The following TMX3 variants were observed in gnomAD, a reference collection of about 807,000 sequenced individuals.
TMX3 encodes thioredoxin related transmembrane protein 3.
TMX3 carries 40 observed loss-of-function variants against 64.4 expected under a neutral mutation model. That is an observed-to-expected ratio of 0.62 (90% confidence interval 0.48 to 0.81). The LOEUF (loss-of-function observed/expected upper bound fraction) is 0.81, where lower values mean the gene tolerates loss of function less well. TMX3 is among the 30% of genes least tolerant of loss of function. The pLI is 0.00. For missense variants in TMX3, 497 were observed against 534.5 expected, an observed-to-expected ratio of 0.93 and a Z score of 0.69; for synonymous variants, 189 against 175.7, an observed-to-expected ratio of 1.08 and a Z score of -0.60.
chr18:68,677,228 C>A (rs961168920), intron 15 of TMX3, 35 bp from the exon 16 acceptor site: 1 of 1,589,802 alleles, frequency 6.3e-7, no homozygotes, highest in Admixed American at 1.8e-5. Context: ...GTTCCCTTCA[C>A]ATGTAATTCT....
At chr18:68,686,607 T>C (rs1199207283) in intron 10 of TMX3, 1 of 402,834 alleles carries the variant, frequency 2.5e-6, no homozygotes, top group African/African-American at 2.2e-5. Context: ...CTTGGGAGGC[T>C]GAGGCAGGAG....
chr18:68,712,692 G>A (rs1244509829), intron 2 of TMX3, among the ~76,000 whole-genome samples: 1 of 152,090 alleles, frequency 6.6e-6, no homozygotes, highest in African/African-American at 2.4e-5. Context: ...GAAGTCTGTA[G>A]TGACACACCC....
intron 4 of TMX3, among the ~76,000 whole-genome samples, chr18:68,704,504 A>G (rs1269235256): frequency 1.3e-5 from 2 of 152,214 alleles, no homozygotes; most frequent in Non-Finnish European, 2.9e-5. Flanking sequence ...AAAAAAAGGT[A>G]ATTCAGATTA....
chr18:68,687,049 C>A, intron 10 of TMX3: 1 of 981,732 alleles, frequency 1.0e-6, no homozygotes, highest in East Asian at 1.1e-4. Context: ...TCCTACTTAT[C>A]ATAAAGCTAT....
At chr18:68,682,534 G>A (rs769026982) in intron 13 of TMX3, among the ~76,000 whole-genome samples, 1 of 151,914 alleles carries the variant, frequency 6.6e-6, no homozygotes, top group Non-Finnish European at 1.5e-5. Flanking sequence ...TACAAAGTTA[G>A]TCTATCCAAT....
rs538205015 is a variant in TMX3 at position 68,675,045 on chromosome 18, T to A, written c.*1888A>T. The A allele has an allele frequency of 2.6e-5, 4 of 152,220 alleles. No individual in the cohort carries two copies. The highest frequency in any genetic ancestry group is 2.0e-4 in the Admixed American group (3 of 15,274). The allele number at this position is 152,220 out of a possible 1,614,324, so 9.4% of individuals were successfully genotyped here. ...AAATATGTAAATGACTAATTATAAATATGAAAAAATTCAGTGACATTTTCT... is the reference window on the plus strand; with the variant it reads ...AAATATGTAAATGACTAATTATAAAAATGAAAAAATTCAGTGACATTTTCT... On this transcript the variant is annotated 3_prime_UTR_variant, in exon 16 of 16. Transcript: ENST00000299608.
Position 68,684,395 on chromosome 18 carries a change from T to C in TMX3, c.794+33A>G, listed in dbSNP as rs780036114. 10 of 1,595,180 alleles carry C rather than the reference T, an allele frequency of 6.3e-6. No individual in the cohort carries two copies. In the African/African-American group the frequency reaches 1.2e-4, roughly 19 times the overall value. On this transcript the variant is annotated intron_variant, in intron 11 of 15. Transcript: ENST00000299608. ...AAAGCCATATAGTCTGAAATGAACA[T>C]TTGAAGCTTAAAACTATATCAAGGC... is the stretch of plus-strand genomic sequence containing the variant.
At chr18:68,706,645 G>C (rs150492519) in intron 4 of TMX3, among the ~76,000 whole-genome samples, 1 of 152,128 alleles carries the variant, frequency 6.6e-6, no homozygotes, top group African/African-American at 2.4e-5. Flanking sequence ...CCTACTGGCC[G>C]CAAGAGGTAT....
rs745683933 is a variant in TMX3, at chr18:68,684,215, T to C, written c.823A>G (p.Arg275Gly). The change falls in exon 12 of 16, where the codon AGA becomes GGA. Residue 275 changes from arginine (R) to glycine (G), a missense_variant. Physicochemically the swap from Arg to Gly is moderately radical, Grantham distance 125 (BLOSUM62 -2). Around this residue, in one of 3 missense-constraint regions of TMX3, gnomAD observed 360 missense variants for 383.5 expected, o/e 0.94. Coordinates refer to ENST00000299608, the MANE Select transcript of TMX3 (RefSeq NM_019022.5). ...CTATGGAAGAGGTCTCTGTAATCTC[T>C]TGCAACTTCCTGAATAATTGACTTC... is the stretch of plus-strand genomic sequence containing the variant. ...RLKSIIQEVA[R>G]DYRDLFHRDF... 1 of 1,611,566 alleles carries C rather than the reference T, an allele frequency of 6.2e-7. No individual in the cohort carries two copies. Among genetic ancestry groups the C allele is most frequent in the Non-Finnish European group, 8.5e-7 (1 of 1,178,256 alleles).
chr18:68,681,123 AAAC>A lies in TMX3; in HGVS notation c.906-16_906-14del. The A allele has an allele frequency of 1.9e-6, 3 of 1,540,084 alleles. No homozygotes were observed. Among genetic ancestry groups the A allele is most frequent in the Non-Finnish European group, 2.6e-6 (3 of 1,145,298 alleles). ...GACTGTCAATTCACTGAAAATATAA[AAAC>A]AAATCAAAATATACATTAAACACAG... On this transcript the variant is annotated splice_polypyrimidine_tract_variant and intron_variant, in intron 13 of 15. Transcript: ENST00000299608.
At chr18:68,687,044 C>T in intron 10 of TMX3, 2 of 981,896 alleles carry the variant, frequency 2.0e-6, no homozygotes, top group Non-Finnish European at 2.4e-6. Context: ...TTCCATCCTA[C>T]TTATCATAAA....
At chr18:68,686,959 C>G in intron 10 of TMX3, 6 of 983,228 alleles carry the variant, frequency 6.1e-6, no homozygotes, top group Non-Finnish European at 7.2e-6. Flanking sequence ...AGAGGAAACC[C>G]TATGCCTATT....
chr18:68,707,282 T>C (rs2030769366), intron 4 of TMX3, among the ~76,000 whole-genome samples: 1 of 151,658 alleles, frequency 6.6e-6, no homozygotes, highest in Admixed American at 6.6e-5. Flanking sequence ...GGGCAAGTAG[T>C]TGAGAGAGGG....
intron 10 of TMX3, 135 bp downstream of exon 10, chr18:68,687,532 G>A: frequency 7.0e-7 from 1 of 1,437,072 alleles, no homozygotes; most frequent in South Asian, 1.6e-5. Context: ...TTCTCGTAAA[G>A]AACTGGCATT....
chr18:68,701,043 A>G (rs1469869158), intron 5 of TMX3: 5 of 980,982 alleles, frequency 5.1e-6, no homozygotes, highest in African/African-American at 3.5e-5. Flanking sequence ...AAAATTGGGA[A>G]GCACAACAGA....
chr18:68,678,633 G>A lies in TMX3; in HGVS notation c.1104+830C>T, dbSNP rs1378385502. On this transcript the variant is annotated intron_variant, in intron 15 of 15. Transcript: ENST00000299608. ...TGACAGAGTGAGCATTAGTTTGATA[G>A]AGTGAAAGGAAGAGGAAATTAGAAT... Among the ~76,000 whole-genome samples, 7 of 152,262 alleles carry A rather than the reference G, an allele frequency of 4.6e-5. No individual in the cohort carries two copies. The East Asian group carries it at 1.3e-3, about 29-fold the overall frequency.
Position 68,697,314 on chromosome 18 carries a change from A to G in TMX3, c.493-11T>C. The stretch of plus-strand genomic sequence containing the variant: ...ATCTATGTATTTCTCCTATGAAGAT[A>G]CAAACAGAAAAAAGATCATTGAAAA... On this transcript the variant is annotated splice_polypyrimidine_tract_variant and intron_variant, in intron 7 of 15. Coordinates refer to ENST00000299608, the MANE Select transcript of TMX3 (RefSeq NM_019022.5). 2 of 1,479,808 alleles carry G rather than the reference A, an allele frequency of 1.4e-6. No individual in the cohort carries two copies. Among genetic ancestry groups the G allele is most frequent in the Non-Finnish European group, 1.8e-6 (2 of 1,093,812 alleles). The allele number at this position is 1,479,808 out of a possible 1,614,324, so 91.7% of individuals were successfully genotyped here.
chr18:68,677,383 C>A (rs776564351), intron 15 of TMX3, among the ~76,000 whole-genome samples, 190 bp from the exon 16 acceptor site: 2 of 152,112 alleles, frequency 1.3e-5, no homozygotes, highest in Non-Finnish European at 2.9e-5. Context: ...TCTATATGCA[C>A]ATACATAAGC....
At chr18:68,677,996 C>T (rs1390039511) in intron 15 of TMX3, among the ~76,000 whole-genome samples, 1 of 152,026 alleles carries the variant, frequency 6.6e-6, no homozygotes, top group African/African-American at 2.4e-5. Context: ...ACAGAGTATT[C>T]TGATGTCCCT....
Sources: gnomAD v4.1 joint callset for allele counts (sites outside exome capture counted in the v4.1 genomes callset) on GRCh38, gnomAD v4.1.1 for gene constraint, gnomAD v4.1.1 regional missense constraint, MANE v1.5 for transcripts, NCBI Gene and HGNC (gene_info 2026-07-23, HGNC 2026-07-21) for gene names.